Variants in PDE4D observed in about 807,000 individuals in gnomAD.
PDE4D encodes 3',5'-cyclic-AMP phosphodiesterase 4D.
Under a neutral mutation model 87.4 loss-of-function variants are expected in PDE4D, and 24 were observed. The observed-to-expected ratio is 0.27, with a 90% CI of 0.20 to 0.39. The LOEUF (loss-of-function observed/expected upper bound fraction) is 0.39. PDE4D is among the 10% of genes least tolerant of loss of function. The probability of loss-of-function intolerance (pLI) is 1.00; values close to 1 mark genes in which losing one functional copy is unlikely to be tolerated. For missense variants in PDE4D, 714 were observed against 1,041.0 expected (o/e 0.69, Z 4.32); for synonymous variants, 384 against 383.2 (o/e 1.00, Z -0.02).
chr5:59,720,627 G>A lies in PDE4D; in HGVS notation c.455+172541C>T, dbSNP rs1247240515. ...AGAGCATGAAACACAAGATCAAGTG[G>A]TTTAATGGATATAAACCTGTAAACA... On this transcript the variant is annotated intron_variant, in intron 1 of 14. Transcript: ENST00000340635. Among the ~76,000 whole-genome samples the A allele has an allele frequency of 2.6e-5, 4 of 152,106 alleles. No homozygotes were observed. The East Asian group carries it at 7.7e-4, about 29-fold the overall frequency.
chr5:60,279,337 C>T (rs1367445616), intron 1 of PDE4D, among the ~76,000 whole-genome samples: 1 of 152,166 alleles, frequency 6.6e-6, no homozygotes, highest in Admixed American at 6.5e-5. Context: ...TCCAGAATTA[C>T]CATGTGGTCT....
At chr5:59,675,086 A>C (rs1242922862) in intron 1 of PDE4D, among the ~76,000 whole-genome samples, 2 of 152,218 alleles carry the variant, frequency 1.3e-5, no homozygotes, top group Admixed American at 1.3e-4. Flanking sequence ...CAGATAACCC[A>C]TTCCTCAAGT....
intron 1 of PDE4D, among the ~76,000 whole-genome samples, chr5:60,418,440 CCACAGTAAT>C (rs1296142185): frequency 6.6e-6 from 1 of 152,120 alleles, no homozygotes; most frequent in African/African-American, 2.4e-5. Context: ...ACCACAGCAA[CCACAGTAAT>C]AATAATAACT....
intron 5 of PDE4D, among the ~76,000 whole-genome samples, chr5:59,164,363 A>T (rs906828829): frequency 6.6e-6 from 1 of 152,240 alleles, no homozygotes; most frequent in Non-Finnish European, 1.5e-5. Flanking sequence ...GAAGTATCAC[A>T]GTACAGTCAA....
chr5:59,661,001 G>A (rs181614865), intron 1 of PDE4D, among the ~76,000 whole-genome samples: 2 of 150,748 alleles, frequency 1.3e-5, no homozygotes, highest in Non-Finnish European at 1.5e-5. Flanking sequence ...AAGGATACAG[G>A]AGAAAGGGTG....
chr5:59,480,692 T>C (rs1188555728), intron 1 of PDE4D, among the ~76,000 whole-genome samples: 2 of 152,190 alleles, frequency 1.3e-5, no homozygotes, highest in Non-Finnish European at 2.9e-5. Context: ...TTAAATTACT[T>C]TGTATCTTTC....
intron 1 of PDE4D, among the ~76,000 whole-genome samples, chr5:60,254,468 T>C (rs899464501): frequency 1.3e-5 from 2 of 152,060 alleles, no homozygotes; most frequent in African/African-American, 4.8e-5. Context: ...CAAGAGCATA[T>C]CTTTTGCCAG....
At chr5:59,362,955 T>TC (rs1782460385) in intron 1 of PDE4D, among the ~76,000 whole-genome samples, 1 of 152,148 alleles carries the variant, frequency 6.6e-6, no homozygotes, top group African/African-American at 2.4e-5. Flanking sequence ...GAGCCAACAG[T>TC]CATAAACTTT....
intron 1 of PDE4D, among the ~76,000 whole-genome samples, chr5:59,532,686 T>G (rs941700232): frequency 1.3e-5 from 2 of 152,210 alleles, no homozygotes; most frequent in African/African-American, 4.8e-5. Context: ...ATATCAGCCA[T>G]TTTGGTCACA....
At chr5:60,197,081 A>ATAGATAGACAGACAGACAGT (rs1741345308) in intron 1 of PDE4D, among the ~76,000 whole-genome samples, 1 of 126,902 alleles carries the variant, frequency 7.9e-6, no homozygotes, top group Non-Finnish European at 1.7e-5. Context: ...AGACAGTTAG[A>ATAGATAGACAGACAGACAGT]TAGATAGATA....
chr5:60,396,660 T>C (rs1762904851), intron 1 of PDE4D, among the ~76,000 whole-genome samples: 1 of 152,100 alleles, frequency 6.6e-6, no homozygotes, highest in Admixed American at 6.6e-5. Flanking sequence ...CGTGAGTAGA[T>C]GGGACTTCAG....
chr5:59,873,555 T>C (rs1039903478), intron 1 of PDE4D, among the ~76,000 whole-genome samples: 1 of 152,188 alleles, frequency 6.6e-6, no homozygotes, highest in Admixed American at 6.5e-5. Context: ...CTGAACCATG[T>C]GAAATTAGCA....
chr5:59,962,482 C>T (rs1409885787), intron 3 of PDE4D, among the ~76,000 whole-genome samples: 2 of 152,156 alleles, frequency 1.3e-5, no homozygotes, highest in South Asian at 2.1e-4. Flanking sequence ...CAAACACACA[C>T]ACCACATCGA....
chr5:60,028,242 G>T (rs1201576783), intron 2 of PDE4D, among the ~76,000 whole-genome samples: 1 of 151,990 alleles, frequency 6.6e-6, no homozygotes, highest in African/African-American at 2.4e-5. Context: ...CTCTCAACTT[G>T]ACTTTTTCCT....
At chr5:59,194,792 G>C (rs920018123) in intron 2 of PDE4D, among the ~76,000 whole-genome samples, 2 of 152,264 alleles carry the variant, frequency 1.3e-5, no homozygotes, top group African/African-American at 2.4e-5. Flanking sequence ...GGTTCAGAGA[G>C]GGCATAAGGT....
chr5:59,733,131 A>G (rs1421264593), intron 1 of PDE4D, among the ~76,000 whole-genome samples: 4 of 152,150 alleles, frequency 2.6e-5, no homozygotes, highest in African/African-American at 9.6e-5. Context: ...CAGGATGAAA[A>G]GGTCAGCTCC....
chr5:59,233,748 T>A (rs926844100), intron 1 of PDE4D, among the ~76,000 whole-genome samples: 10 of 152,246 alleles, frequency 6.6e-5, no homozygotes, highest in Admixed American at 5.2e-4. Context: ...ACCTTAGAGA[T>A]CAAACTCAAA....
chr5:59,585,559 G>T (rs1374089911), intron 1 of PDE4D, among the ~76,000 whole-genome samples: 3 of 152,130 alleles, frequency 2.0e-5, no homozygotes, highest in Non-Finnish European at 4.4e-5. Flanking sequence ...GACCCTAAAG[G>T]TATGGCAAAA....
rs1203266118 is a variant in PDE4D, at chr5:59,645,889, G to A, written c.455+247279C>T. Among the ~76,000 whole-genome samples the A allele has an allele frequency of 3.3e-5, 5 of 151,944 alleles. No homozygotes were observed. The East Asian group carries it at 5.8e-4, about 18-fold the overall frequency. Reference sequence around the variant, plus strand: ...CTTGATGTAACTTTTCTAAACTATCGGTAATAAAATGACAGATTACAATCA... The same window carrying A: ...CTTGATGTAACTTTTCTAAACTATCAGTAATAAAATGACAGATTACAATCA... On this transcript the variant is annotated intron_variant, in intron 1 of 14. Transcript: ENST00000340635.
Sources: allele counts gnomAD v4.1 joint callset (sites outside exome capture counted in the v4.1 genomes callset), GRCh38; gene constraint gnomAD v4.1.1; transcripts MANE v1.5; gene names NCBI Gene and HGNC (gene_info 2026-07-23, HGNC 2026-07-21).